GPR55: variants seen among roughly 807,000 people sequenced by gnomAD.
GPR55 encodes the protein G protein-coupled receptor 55.
Under a neutral mutation model 7.9 loss-of-function variants are expected in GPR55, and 6 were observed. That is an observed-to-expected ratio of 0.76 (90% confidence interval 0.41 to 1.49). The LOEUF (loss-of-function observed/expected upper bound fraction) is 1.49, where lower values mean the gene tolerates loss of function less well. Among genes scored for constraint, GPR55 ranks in the 40% most tolerant of loss-of-function variants. GPR55 has a pLI of 0.01. For synonymous variants in GPR55, 183 were observed against 166.8 expected (o/e 1.10, Z -0.75); for missense variants, 376 against 406.0 (o/e 0.93, Z 0.63).
chr2:230,933,430 G>A (rs1255531450), intron 1 of GPR55, among the ~76,000 whole-genome samples: 3 of 152,176 alleles, frequency 2.0e-5, no homozygotes, highest in African/African-American at 7.2e-5. Context: ...CTGAACACAC[G>A]GGGCAGCCCA....
chr2:230,960,100 A>C (rs192853772), intron 1 of GPR55, among the ~76,000 whole-genome samples: 2 of 152,216 alleles, frequency 1.3e-5, no homozygotes, highest in African/African-American at 4.8e-5. Flanking sequence ...CACCAAACCA[A>C]CTGGAGGAAA....
At chr2:230,936,155 C>A (rs1248746349) in intron 1 of GPR55, among the ~76,000 whole-genome samples, 2 of 152,146 alleles carry the variant, frequency 1.3e-5, no homozygotes, top group Admixed American at 6.5e-5. Flanking sequence ...AGATTCCAGA[C>A]AAAGGCTGGC....
At chr2:230,933,960 A>G (rs1186698668) in intron 1 of GPR55, among the ~76,000 whole-genome samples, 33 of 152,156 alleles carry the variant, frequency 2.2e-4, no homozygotes, top group Admixed American at 2.2e-3. Flanking sequence ...CAGTCACCCC[A>G]AAGCTTCCGG....
At chr2:230,950,628 C>T in intron 1 of GPR55, among the ~76,000 whole-genome samples, 1 of 152,300 alleles carries the variant, frequency 6.6e-6, no homozygotes. Flanking sequence ...CAAGAAGTGA[C>T]ATGTGTGGTG....
intron 1 of GPR55, among the ~76,000 whole-genome samples, chr2:230,945,174 G>C (rs149903260): frequency 1.5e-3 from 231 of 152,302 alleles, no homozygotes; most frequent in Non-Finnish European, 2.6e-3. Flanking sequence ...TGCGCAAAAA[G>C]ATGGCGGCGG....
At position 230,924,053 on chromosome 2, in the gene GPR55, GAA is replaced by G. The variant is rs1690896341; in HGVS notation, c.-135+1113_-135+1114del. On this transcript the variant is annotated intron_variant, in intron 1 of 1. Transcript: ENST00000650999. The surrounding 1 kb of genome is among the most constrained non-coding windows in gnomAD (Gnocchi z 4.5). ...CAGTGCAGTCCTGAGTGGGTGCCTT[GAA>G]AAGTCCTCTGTGTATCCCAGGGGGA... 1.3e-5 allele frequency among the ~76,000 whole-genome samples: 2 copies of G among 152,108 alleles called. No individual in the cohort carries two copies. Among genetic ancestry groups the G allele is most frequent in the African/African-American group, 4.8e-5 (2 of 41,414 alleles).
intron 1 of GPR55, among the ~76,000 whole-genome samples, chr2:230,912,821 A>T (rs895410056): frequency 2.6e-5 from 4 of 152,240 alleles, no homozygotes; most frequent in Admixed American, 6.5e-5. Context: ...CCAGGCGCTC[A>T]ATAAGATATT....
intron 1 of GPR55, chr2:230,957,874 G>A (rs1691516821): frequency 5.2e-6 from 3 of 579,940 alleles, no homozygotes; most frequent in Non-Finnish European, 6.5e-6. Context: ...TGCCAGAGAA[G>A]GAATTAAAAA....
At chr2:230,945,570 T>TTTG (rs896219829) in intron 1 of GPR55, among the ~76,000 whole-genome samples, 74 of 152,298 alleles carry the variant, frequency 4.9e-4, no homozygotes, top group African/African-American at 1.6e-3. Flanking sequence ...AGATTCACTT[T>TTTG]TTGTTGTTGT....
chr2:230,945,691 G>A lies in GPR55; in HGVS notation c.-135+15084C>T, dbSNP rs574049624. Among the ~76,000 whole-genome samples, 137 of 152,306 alleles carry A rather than the reference G, an allele frequency of 9.0e-4. 1 individual carries two copies. Among genetic ancestry groups the A allele is most frequent in the African/African-American group, 3.1e-3 (128 of 41,584 alleles). On this transcript the variant is annotated intron_variant, in intron 1 of 1. Transcript: ENST00000392039. ...GGGTTCACGCCATTCTCCTTCCTCAGCCTCCCAAGTAGCTGGGACTACAGG... is the reference window on the plus strand; with the variant it reads ...GGGTTCACGCCATTCTCCTTCCTCAACCTCCCAAGTAGCTGGGACTACAGG...
intron 1 of GPR55, among the ~76,000 whole-genome samples, chr2:230,912,832 C>T (rs116477986): frequency 0.027 from 4,145 of 152,268 alleles, 206 homozygotes; most frequent in African/African-American, 0.094. Flanking sequence ...ATAAGATATT[C>T]GAAGAGAACA....
At chr2:230,930,198 A>G (rs1459606875), upstream of GPR55, among the ~76,000 whole-genome samples, 1 of 152,202 alleles carries the variant, frequency 6.6e-6, no homozygotes, top group Non-Finnish European at 1.5e-5. Flanking sequence ...TTTATTTCTC[A>G]GGGACACGGG....
intron 1 of GPR55, among the ~76,000 whole-genome samples, chr2:230,960,404 C>T (rs1691549883): frequency 6.6e-6 from 1 of 152,170 alleles, no homozygotes; most frequent in South Asian, 2.1e-4. Context: ...GACCTGAAAG[C>T]CAGTACTCTG....
chr2:230,945,929 G>C (rs1691306262), intron 1 of GPR55, among the ~76,000 whole-genome samples: 1 of 152,124 alleles, frequency 6.6e-6, no homozygotes, highest in Admixed American at 6.5e-5. Flanking sequence ...GCATTAAAAA[G>C]TGTCCTTTTT....
chr2:230,944,263 G>A lies in GPR55; in HGVS notation c.-135+16512C>T, dbSNP rs910201492. ...AGGGGCAAATCCACATCCCTCCAACGTGTGCCCACATGACTGTCCCGGGGG... is the reference window on the plus strand; with the variant it reads ...AGGGGCAAATCCACATCCCTCCAACATGTGCCCACATGACTGTCCCGGGGG... On this transcript the variant is annotated intron_variant, in intron 1 of 1. Transcript: ENST00000392039. The surrounding 1 kb of genome is among the most constrained non-coding windows in gnomAD (Gnocchi z 4.2). Among the ~76,000 whole-genome samples the A allele has an allele frequency of 6.6e-6, 1 of 152,220 alleles. No individual in the cohort carries two copies. The highest frequency in any genetic ancestry group is 6.5e-5 in the Admixed American group (1 of 15,286).
chr2:230,935,693 C>T (rs1184603719), intron 1 of GPR55, among the ~76,000 whole-genome samples: 1 of 152,156 alleles, frequency 6.6e-6, no homozygotes, highest in African/African-American at 2.4e-5. Context: ...CCATTTTGGA[C>T]CGGAGGGTAC....
At chr2:230,943,736 G>T (rs927468330) in intron 1 of GPR55, among the ~76,000 whole-genome samples, 2 of 152,116 alleles carry the variant, frequency 1.3e-5, no homozygotes, top group Admixed American at 6.5e-5. Context: ...TCTCAGCAGC[G>T]AGTTCCTTCT....
At chr2:230,957,222 T>C (rs1174974818) in intron 1 of GPR55, among the ~76,000 whole-genome samples, 1 of 152,256 alleles carries the variant, frequency 6.6e-6, no homozygotes, top group Non-Finnish European at 1.5e-5. Context: ...TTGAGAACTT[T>C]TGCCTTTTCG....
At chr2:230,937,241 C>A (rs1221099521) in intron 1 of GPR55, among the ~76,000 whole-genome samples, 1 of 151,598 alleles carries the variant, frequency 6.6e-6, no homozygotes, top group Admixed American at 6.6e-5. Flanking sequence ...CCCGTCTCTA[C>A]AAAATTTTTT....
Sources: allele counts gnomAD v4.1 joint callset (sites outside exome capture counted in the v4.1 genomes callset), GRCh38; gene constraint gnomAD v4.1.1; non-coding constraint Gnocchi (gnomAD v3.1); transcripts MANE v1.5; gene names NCBI Gene and HGNC (gene_info 2026-07-23, HGNC 2026-07-21).